The following AGMO variants were observed in gnomAD, a reference collection of about 807,000 sequenced individuals.
The protein encoded by AGMO is glyceryl-ether monooxygenase.
In AGMO, 75 loss-of-function variants were observed where a neutral mutation model predicts 60.2. The observed-to-expected ratio is 1.25, with a 90% CI of 1.03 to 1.51. The LOEUF (loss-of-function observed/expected upper bound fraction) is 1.51, where lower values mean the gene tolerates loss of function less well. Among genes scored for constraint, AGMO ranks in the 40% most tolerant of loss-of-function variants. AGMO has a pLI of 0.00. For missense variants in AGMO, 763 were observed against 525.5 expected (o/e 1.45, Z -4.42); for synonymous variants, 261 against 177.1 (o/e 1.47, Z -3.76).
chr7:15,312,321 T>C (rs2128532575), intron 12 of AGMO, among the ~76,000 whole-genome samples: 1 of 152,066 alleles, frequency 6.6e-6, no homozygotes, highest in East Asian at 1.9e-4. Flanking sequence ...CCTAAGTACA[T>C]AATATTAAAA....
chr7:15,531,611 A>ATATATATTC (rs1784364798), intron 3 of AGMO, among the ~76,000 whole-genome samples: 1 of 112,068 alleles, frequency 8.9e-6, no homozygotes, highest in Non-Finnish European at 1.6e-5. Flanking sequence ...TATATATTCT[A>ATATATATTC]TGTATATTCT....
At chr7:15,545,391 T>G (rs1784751090) in intron 2 of AGMO, among the ~76,000 whole-genome samples, 1 of 152,116 alleles carries the variant, frequency 6.6e-6, no homozygotes, top group Admixed American at 6.6e-5. Context: ...TCAAATATTT[T>G]GATCCCATAA....
At chr7:15,419,724 G>A (rs556030808) in intron 4 of AGMO, among the ~76,000 whole-genome samples, 6 of 151,884 alleles carry the variant, frequency 4.0e-5, no homozygotes, top group African/African-American at 1.4e-4. Flanking sequence ...AGATTAGTGA[G>A]AAAAGAATAC....
At chr7:15,136,096 C>T in the AGMO span, among the ~76,000 whole-genome samples, 1 of 149,222 alleles carries the variant, frequency 6.7e-6, no homozygotes, top group South Asian at 2.1e-4. Flanking sequence ...TGGGTTCAAG[C>T]GATTCTCCTG....
intron 10 of AGMO, among the ~76,000 whole-genome samples, chr7:15,374,402 C>T (rs952611897): frequency 6.6e-6 from 1 of 151,912 alleles, no homozygotes; most frequent in Admixed American, 6.6e-5. Context: ...TAGTTCAAAA[C>T]ATTGAATTGA....
At chr7:15,294,370 C>G (rs1784355497) in intron 12 of AGMO, among the ~76,000 whole-genome samples, 1 of 151,490 alleles carries the variant, frequency 6.6e-6, no homozygotes, top group Non-Finnish European at 1.5e-5. Flanking sequence ...AGACATGAAA[C>G]AGAAATGAGA....
chr7:15,260,019 C>A (rs1783222047), intron 12 of AGMO, among the ~76,000 whole-genome samples: 1 of 139,142 alleles, frequency 7.2e-6, no homozygotes, highest in Admixed American at 7.3e-5. Flanking sequence ...AACAATAACA[C>A]AATGAAAAAA....
intron 12 of AGMO, among the ~76,000 whole-genome samples, chr7:15,228,056 T>C (rs1430073839): frequency 2.0e-5 from 3 of 152,158 alleles, no homozygotes; most frequent in Non-Finnish European, 4.4e-5. Context: ...TGAATTCTTA[T>C]TCATGCATAT....
chr7:15,216,370 A>G (rs1297101430), intron 12 of AGMO, among the ~76,000 whole-genome samples: 1 of 152,128 alleles, frequency 6.6e-6, no homozygotes, highest in Non-Finnish European at 1.5e-5. Flanking sequence ...CTGCACTGCT[A>G]TAATTTTATA....
chr7:15,186,237 A>G, the AGMO span, among the ~76,000 whole-genome samples: 1 of 152,334 alleles, frequency 6.6e-6, no homozygotes, highest in South Asian at 2.1e-4. Flanking sequence ...TTCCAACAAT[A>G]CAAAGGACCA....
chr7:15,211,292 C>T (rs910994744), intron 12 of AGMO, among the ~76,000 whole-genome samples: 1 of 151,644 alleles, frequency 6.6e-6, no homozygotes, highest in Non-Finnish European at 1.5e-5. Flanking sequence ...TTAAAAGACT[C>T]AAATTAAAAG....
At chr7:15,559,994 T>C (rs1303061322) in intron 2 of AGMO, 147 bp downstream of exon 2, 3 of 713,906 alleles carry the variant, frequency 4.2e-6, no homozygotes, top group East Asian at 6.0e-5. Context: ...AAGAACAAAA[T>C]ATCAAAATTT....
At chr7:15,535,857 C>T (rs1784473457) in intron 3 of AGMO, among the ~76,000 whole-genome samples, 1 of 151,756 alleles carries the variant, frequency 6.6e-6, no homozygotes, top group Admixed American at 6.6e-5. Flanking sequence ...TATAAGCTCC[C>T]AGGTGTGCTA....
chr7:15,187,978 T>A, the AGMO span, among the ~76,000 whole-genome samples: 4 of 152,092 alleles, frequency 2.6e-5, no homozygotes, highest in African/African-American at 9.7e-5. Context: ...TCAACTGACA[T>A]TATGTCTTTC....
chr7:15,364,467 A>G (rs1009401877), intron 12 of AGMO, among the ~76,000 whole-genome samples: 1 of 152,058 alleles, frequency 6.6e-6, no homozygotes, highest in East Asian at 1.9e-4. Context: ...TTATTATTAT[A>G]GATGCATATT....
chr7:15,299,388 A>C (rs10252826), intron 12 of AGMO, among the ~76,000 whole-genome samples: 1 of 152,084 alleles, frequency 6.6e-6, no homozygotes, highest in Non-Finnish European at 1.5e-5. Context: ...GTCCCCGAGC[A>C]GACTCTCTGA....
chr7:15,524,531 T>C (rs920787556), intron 3 of AGMO, among the ~76,000 whole-genome samples: 1 of 152,128 alleles, frequency 6.6e-6, no homozygotes, highest in African/African-American at 2.4e-5. Context: ...CCTTACTTTA[T>C]TGAATCAGTT....
At chr7:15,422,627 C>G (rs928790486) in intron 4 of AGMO, among the ~76,000 whole-genome samples, 3 of 152,086 alleles carry the variant, frequency 2.0e-5, no homozygotes, top group African/African-American at 7.2e-5. Context: ...GGGAAGAGAT[C>G]TTGAGGAGAC....
chr7:15,165,833 TTAAAA>T, the AGMO span, among the ~76,000 whole-genome samples: 1 of 152,264 alleles, frequency 6.6e-6, no homozygotes, highest in Non-Finnish European at 1.5e-5. Context: ...TCATTAAAGA[TTAAAA>T]TAATGGGAAC....
Sources: allele counts gnomAD v4.1 joint callset (sites outside exome capture counted in the v4.1 genomes callset), GRCh38; gene constraint gnomAD v4.1.1; transcripts MANE v1.5; gene names NCBI Gene and HGNC (gene_info 2026-07-23, HGNC 2026-07-21).